KLHL13: variants seen among roughly 807,000 people sequenced by gnomAD.
KLHL13 encodes kelch-like protein 13.
Under a neutral mutation model 37.1 loss-of-function variants are expected in KLHL13, and 10 were observed. The ratio of observed to expected loss-of-function variants is 0.27; its 90% confidence interval spans 0.17 to 0.46. The LOEUF is 0.46. Among genes scored for constraint, KLHL13 ranks in the 20% least tolerant of loss-of-function variants. KLHL13 has a pLI of 1.00. For synonymous variants in KLHL13, 163 were observed against 181.2 expected (o/e 0.90, Z 0.81); for missense variants, 360 against 509.3 (o/e 0.71, Z 2.82).
chrX:117,901,946 G>T, exon 6 of KLHL13: 2 of 1,042,268 alleles, frequency 1.9e-6, no homozygotes, highest in Non-Finnish European at 2.6e-6. Context: ...TTCTACTGTG[G>T]CTGTTAAAAA....
At chrX:118,047,317 A>G (rs988824780) in intron 1 of KLHL13, among the ~76,000 whole-genome samples, 18 of 112,258 alleles carry the variant, frequency 1.6e-4, no homozygotes, top group African/African-American at 5.8e-4. Flanking sequence ...ATCAGAAATC[A>G]TAACAGACTA....
At chrX:117,908,741 C>T (rs1245720925) in intron 5 of KLHL13, among the ~76,000 whole-genome samples, 6 of 111,851 alleles carry the variant, frequency 5.4e-5, no homozygotes, top group African/African-American at 1.9e-4. Context: ...TCTGATATTA[C>T]GTCAACAGAA....
At chrX:117,956,993 A>G (rs1342534701) in intron 1 of KLHL13, among the ~76,000 whole-genome samples, 1 of 112,191 alleles carries the variant, frequency 8.9e-6, no homozygotes. Flanking sequence ...ATGTATCCTG[A>G]TATTATACAT....
intron 1 of KLHL13, among the ~76,000 whole-genome samples, chrX:118,110,383 T>C (rs778270858): frequency 0.011 from 1,077 of 98,801 alleles, 15 homozygotes; most frequent in African/African-American, 0.037. Context: ...TTTTCTTTTT[T>C]TTTTTTTTTT....
chrX:118,043,502 A>G (rs1362029324), intron 1 of KLHL13, among the ~76,000 whole-genome samples: 2 of 111,638 alleles, frequency 1.8e-5, no homozygotes, highest in Non-Finnish European at 3.8e-5. Context: ...AATATTAGCA[A>G]ACTGAATTCA....
chrX:118,076,948 C>T (rs1335034467), intron 1 of KLHL13, among the ~76,000 whole-genome samples: 1 of 108,589 alleles, frequency 9.2e-6, no homozygotes, highest in African/African-American at 3.4e-5. Context: ...TCAACCCCCA[C>T]CCCTTGATAG....
chrX:117,898,129 T>A (rs1026676179), exon 7 of KLHL13: 12 of 112,083 alleles, frequency 1.1e-4, no homozygotes, highest in Admixed American at 1.9e-4. Flanking sequence ...TAATGGAAGC[T>A]GCTTTTTGGA....
chrX:117,925,939 A>G (rs749752225), intron 2 of KLHL13, among the ~76,000 whole-genome samples: 165 of 111,248 alleles, frequency 1.5e-3, no homozygotes, highest in Non-Finnish European at 2.8e-3. Flanking sequence ...CACCTGTCTC[A>G]GCCTCCCAAA....
chrX:118,087,501 G>A (rs1040993860), intron 1 of KLHL13, among the ~76,000 whole-genome samples: 10 of 109,224 alleles, frequency 9.2e-5, no homozygotes, highest in Non-Finnish European at 1.7e-4. Context: ...CTCTAAACCA[G>A]ACATAATCAT....
chrX:118,073,352 C>T (rs2054892894), intron 1 of KLHL13, among the ~76,000 whole-genome samples: 1 of 110,775 alleles, frequency 9.0e-6, no homozygotes, highest in South Asian at 3.8e-4. Flanking sequence ...AGGGAAACTC[C>T]CCTTTATATA....
chrX:118,029,856 T>A (rs2054316778), intron 1 of KLHL13, among the ~76,000 whole-genome samples: 1 of 110,164 alleles, frequency 9.1e-6, no homozygotes, highest in Admixed American at 9.8e-5. Flanking sequence ...TAGACCCAGC[T>A]ACTCAGAGGG....
chrX:118,032,153 G>A (rs1027110473), intron 1 of KLHL13, among the ~76,000 whole-genome samples: 34 of 111,242 alleles, frequency 3.1e-4, no homozygotes, highest in Admixed American at 4.8e-4. Context: ...AGGCGGCAGC[G>A]AGGCTGGGGG....
chrX:118,012,682 C>T (rs868292571), intron 1 of KLHL13, among the ~76,000 whole-genome samples: 4 of 1,682 alleles, frequency 2.4e-3, no homozygotes, highest in South Asian at 0.1. Context: ...TGGGCGGGGG[C>T]GGGGGCAGGG....
rs777379759 is a variant in KLHL13 at position 118,086,485 on chromosome X, C to G, written c.-56+30023G>C. On this transcript the variant is annotated intron_variant, in intron 1 of 6. Transcript: ENST00000371882. Reference sequence around the variant, plus strand: ...CTAAAAAAAAACACTGATTTGAATACTTTAAAAAGGTGAATTGTATGGTAT... The same window carrying G: ...CTAAAAAAAAACACTGATTTGAATAGTTTAAAAAGGTGAATTGTATGGTAT... 1.8e-5 allele frequency among the ~76,000 whole-genome samples: 2 copies of G among 111,626 alleles called. 1 individual carries two copies. The highest frequency in any genetic ancestry group is 7.4e-4 in the South Asian group (2 of 2,687).
intron 1 of KLHL13, among the ~76,000 whole-genome samples, chrX:117,959,603 G>A (rs1419365130): frequency 8.9e-6 from 1 of 111,932 alleles, no homozygotes; most frequent in Non-Finnish European, 1.9e-5. Context: ...AAATACAAAT[G>A]TACACAGATG....
chrX:118,057,564 T>C (rs1311415871), intron 1 of KLHL13, among the ~76,000 whole-genome samples: 2 of 112,162 alleles, frequency 1.8e-5, no homozygotes, highest in African/African-American at 6.5e-5. Context: ...CTCATGCTTG[T>C]ACTCCCAGCA....
chrX:118,070,641 AT>A (rs201431300), intron 1 of KLHL13, among the ~76,000 whole-genome samples: 1,585 of 109,947 alleles, frequency 0.014, 28 homozygotes, highest in African/African-American at 0.049. Context: ...ACCATAATAG[AT>A]TTTTTTTTGT....
At chrX:118,053,282 C>A (rs755192234) in intron 1 of KLHL13, among the ~76,000 whole-genome samples, 2 of 111,916 alleles carry the variant, frequency 1.8e-5, no homozygotes, top group Non-Finnish European at 3.8e-5. Flanking sequence ...AAATGTGGCA[C>A]ATATACACCA....
chrX:118,047,792 A>AT (rs1049111269), intron 1 of KLHL13, among the ~76,000 whole-genome samples: 4 of 111,144 alleles, frequency 3.6e-5, no homozygotes, highest in African/African-American at 9.8e-5. Context: ...TTAATCCTGT[A>AT]TTTTTTTTGC....
Sources: allele counts gnomAD v4.1 joint callset (sites outside exome capture counted in the v4.1 genomes callset), GRCh38; gene constraint gnomAD v4.1.1; transcripts MANE v1.5; gene names NCBI Gene and HGNC (gene_info 2026-07-23, HGNC 2026-07-21).